EIF2S2: variants seen among roughly 807,000 people sequenced by gnomAD.
EIF2S2 encodes the protein eukaryotic translation initiation factor 2 subunit 2.
Under a neutral mutation model 44.0 loss-of-function variants are expected in EIF2S2, and 4 were observed. The ratio of observed to expected loss-of-function variants is 0.09; its 90% CI spans 0.04 to 0.21. EIF2S2 has a LOEUF of 0.21. EIF2S2 is among the 10% of genes least tolerant of loss of function. EIF2S2 has a pLI of 1.00. For missense variants in EIF2S2, 154 were observed against 392.0 expected (o/e 0.39, Z 5.13); for synonymous variants, 108 against 128.3 (o/e 0.84, Z 1.07).
chr20:34,098,915 G>A (rs1222615825), intron 3 of EIF2S2, among the ~76,000 whole-genome samples: 5 of 152,278 alleles, frequency 3.3e-5, no homozygotes, highest in South Asian at 2.1e-4. Context: ...GATAAGAAAC[G>A]CCTGTCAGAA....
At chr20:34,111,358 T>C (rs1048028379) in intron 1 of EIF2S2, among the ~76,000 whole-genome samples, 6 of 152,222 alleles carry the variant, frequency 3.9e-5, no homozygotes, top group Admixed American at 2.0e-4. Flanking sequence ...TTAGACGTTA[T>C]ATCAACTAGG....
intron 6 of EIF2S2, among the ~76,000 whole-genome samples, chr20:34,094,052 G>A (rs1601530963): frequency 6.6e-6 from 1 of 151,982 alleles, no homozygotes; most frequent in East Asian, 1.9e-4. Context: ...CACCATGCCT[G>A]TCTAATTCTT....
intron 6 of EIF2S2, among the ~76,000 whole-genome samples, chr20:34,095,499 A>G (rs2122401777): frequency 6.6e-6 from 1 of 152,238 alleles, no homozygotes; most frequent in East Asian, 1.9e-4. Flanking sequence ...TTTTTAGTAG[A>G]GCCGGGGTTT....
intron 7 of EIF2S2, among the ~76,000 whole-genome samples, chr20:34,090,853 A>G (rs940728890): frequency 2.6e-5 from 4 of 152,008 alleles, no homozygotes; most frequent in South Asian, 2.1e-4. Context: ...GGCTCAAGCA[A>G]TCCTCCCACC....
At chr20:34,108,825 G>A (rs2034377658) in intron 1 of EIF2S2, among the ~76,000 whole-genome samples, 1 of 152,112 alleles carries the variant, frequency 6.6e-6, no homozygotes, top group Non-Finnish European at 1.5e-5. Context: ...AGAAGCAGGT[G>A]TGAGTCACAA....
At chr20:34,090,029 G>A in intron 8 of EIF2S2, 124 bp from the exon 9 acceptor site, 1 of 1,011,636 alleles carries the variant, frequency 9.9e-7, no homozygotes, top group Non-Finnish European at 1.5e-6. Flanking sequence ...TGGGCACCCA[G>A]ACCAGGGAAG....
At chr20:34,109,442 G>C (rs2034386023) in intron 1 of EIF2S2, among the ~76,000 whole-genome samples, 1 of 151,914 alleles carries the variant, frequency 6.6e-6, no homozygotes, top group East Asian at 1.9e-4. Flanking sequence ...CAGGAAGACT[G>C]TTTGAGGCCA....
intron 3 of EIF2S2, among the ~76,000 whole-genome samples, 172 bp from the exon 4 acceptor site, chr20:34,098,805 G>A (rs1210981840): frequency 1.3e-5 from 2 of 152,162 alleles, no homozygotes; most frequent in Non-Finnish European, 2.9e-5. Context: ...TGGGATTACA[G>A]GCATGAGCCA....
intron 1 of EIF2S2, chr20:34,108,064 A>G (rs1183822509): frequency 6.6e-6 from 1 of 152,180 alleles, no homozygotes; most frequent in Non-Finnish European, 1.5e-5. Flanking sequence ...TCTAGACACT[A>G]TAAATTTGGT....
At chr20:34,107,589 A>T (rs936547901) in intron 1 of EIF2S2, among the ~76,000 whole-genome samples, 1 of 152,264 alleles carries the variant, frequency 6.6e-6, no homozygotes, top group African/African-American at 2.4e-5. Context: ...TACCATTCAT[A>T]AAGCATGGTT....
intron 7 of EIF2S2, among the ~76,000 whole-genome samples, chr20:34,093,014 A>G (rs1238224373): frequency 6.6e-6 from 1 of 152,238 alleles, no homozygotes; most frequent in East Asian, 1.9e-4. Context: ...TGTGAAGATT[A>G]ATTGAGATGG....
intron 6 of EIF2S2, among the ~76,000 whole-genome samples, chr20:34,094,483 C>G (rs2122398361): frequency 6.6e-6 from 1 of 152,068 alleles, no homozygotes; most frequent in East Asian, 1.9e-4. Flanking sequence ...TATACCAAAC[C>G]TAGGTGATGG....
chr20:34,091,544 C>T (rs1446896795), intron 7 of EIF2S2, among the ~76,000 whole-genome samples: 1 of 151,744 alleles, frequency 6.6e-6, no homozygotes, highest in Admixed American at 6.6e-5. Flanking sequence ...GGTGGAACCC[C>T]GTCTCTACTA....
chr20:34,112,013 G>A, intron 1 of EIF2S2, 83 bp downstream of exon 1: 1 of 1,296,884 alleles, frequency 7.7e-7, no homozygotes, highest in Non-Finnish European at 9.9e-7. Context: ...CGGCTGCTAG[G>A]CCGCAGGCCC....
At chr20:34,090,716 T>C in intron 7 of EIF2S2, 114 bp from the exon 8 acceptor site, 1 of 588,650 alleles carries the variant, frequency 1.7e-6, no homozygotes, top group Non-Finnish European at 2.9e-6. Context: ...TAGGATAAAC[T>C]CTAGGACTGG....
intron 7 of EIF2S2, among the ~76,000 whole-genome samples, chr20:34,090,999 C>G (rs761058340): frequency 3.9e-5 from 6 of 152,142 alleles, no homozygotes; most frequent in African/African-American, 7.2e-5. Flanking sequence ...GATCCTCCCA[C>G]TATGGCCTCC....
chr20:34,091,851 A>G (rs6119448), intron 7 of EIF2S2, among the ~76,000 whole-genome samples: 2,414 of 149,300 alleles, frequency 0.016, 64 homozygotes, highest in African/African-American at 0.057. Context: ...AGAGAGACGG[A>G]CGTCCGAGTG....
chr20:34,096,698 G>C lies in EIF2S2; in HGVS notation c.642C>G (p.Thr214=). 6.2e-7 allele frequency: 1 copy of C among 1,607,422 alleles called. No homozygotes were observed. Among genetic ancestry groups the C allele is most frequent in the South Asian group, 1.1e-5 (1 of 89,926 alleles). Residue 214 remains threonine, a synonymous_variant, in exon 6 of 9, where the codon ACC becomes ACG. Coordinates refer to ENST00000374980, the MANE Select transcript of EIF2S2 (RefSeq NM_003908.5). ...TAAAGTTGACAAAAGAAGTTTTCTT[G>C]GTTCCTACTCGGACGACTTGTGGAG... ...MKPPQVVRVG[T]KKTSFVNFTD...
Position 34,092,258 on chromosome 20 carries a change from T to G in EIF2S2, c.740+1417A>C, listed in dbSNP as rs368504419. On this transcript the variant is annotated intron_variant, in intron 7 of 8. Transcript: ENST00000374980. ...TAAGTTTACTGGCCACAACTTGTTA[T>G]AATAGTTTATCCCACCTCTAACAAA... Among the ~76,000 whole-genome samples the G allele has an allele frequency of 1.2e-4, 18 of 152,338 alleles. No homozygotes were observed. The East Asian group carries it at 1.7e-3, about 15-fold the overall frequency.
Sources: allele counts gnomAD v4.1 joint callset (sites outside exome capture counted in the v4.1 genomes callset), GRCh38; gene constraint gnomAD v4.1.1; transcripts MANE v1.5; gene names NCBI Gene and HGNC (gene_info 2026-07-23, HGNC 2026-07-21).